The following AQP7B variants were observed in gnomAD, a reference collection of about 807,000 sequenced individuals.
AQP7B encodes putative aquaporin-7B.
chr2:94,599,399 AT>A, the AQP7B span, among the ~76,000 whole-genome samples: 5 of 150,576 alleles, frequency 3.3e-5, no homozygotes, highest in African/African-American at 1.2e-4. Context: ...TATCTGGGCT[AT>A]TTCACATTTT....
chr2:94,591,726 G>GTCCTAC, the AQP7B span, among the ~76,000 whole-genome samples: 1 of 152,144 alleles, frequency 6.6e-6, no homozygotes, highest in Non-Finnish European at 1.5e-5. Context: ...CTTAGTTGCA[G>GTCCTAC]GCCTTTGCAC....
chr2:94,594,565 A>G, the AQP7B span, among the ~76,000 whole-genome samples: 2 of 152,082 alleles, frequency 1.3e-5, no homozygotes, highest in South Asian at 4.2e-4. Context: ...GTTCCTCTCC[A>G]TGTCCCCATG....
At chr2:94,593,372 G>C in the AQP7B span, among the ~76,000 whole-genome samples, 1 of 152,056 alleles carries the variant, frequency 6.6e-6, no homozygotes, top group Non-Finnish European at 1.5e-5. Flanking sequence ...GCAAGGATGG[G>C]CTGGCCAGAG....
the AQP7B span, among the ~76,000 whole-genome samples, chr2:94,600,794 A>G: frequency 6.6e-6 from 1 of 151,154 alleles, no homozygotes; most frequent in Non-Finnish European, 1.5e-5. Flanking sequence ...CAGGAGAATC[A>G]CTTGAACCCG....
At chr2:94,599,101 C>T in the AQP7B span, among the ~76,000 whole-genome samples, 2 of 152,208 alleles carry the variant, frequency 1.3e-5, no homozygotes, top group Non-Finnish European at 2.9e-5. Context: ...CACACCTGGC[C>T]TATGCTCATC....
chr2:94,594,952 G>A, the AQP7B span: 2 of 829,030 alleles, frequency 2.4e-6, no homozygotes, highest in Non-Finnish European at 2.0e-6. Flanking sequence ...GACCCCATGG[G>A]TCACATTGTC....
At chr2:94,587,430 G>T in the AQP7B span, among the ~76,000 whole-genome samples, 2 of 152,200 alleles carry the variant, frequency 1.3e-5, no homozygotes, top group Non-Finnish European at 2.9e-5. Context: ...CTCCAGGCAG[G>T]GTGGGGATGG....
At chr2:94,590,636 T>C in the AQP7B span, among the ~76,000 whole-genome samples, 1 of 152,034 alleles carries the variant, frequency 6.6e-6, no homozygotes, top group African/African-American at 2.4e-5. Context: ...TGGTTTTTGA[T>C]AGGTTAGTCA....
chr2:94,602,582 A>G, the AQP7B span: 15 of 1,599,142 alleles, frequency 9.4e-6, no homozygotes, highest in African/African-American at 1.6e-4. Flanking sequence ...CTTCGGGGTC[A>G]CCATGGGAGT....
At chr2:94,590,680 C>T in the AQP7B span, among the ~76,000 whole-genome samples, 462 of 152,176 alleles carry the variant, frequency 3.0e-3, 2 homozygotes, top group African/African-American at 9.9e-3. Context: ...TGGTGGCTCA[C>T]GCCTGAAATC....
At chr2:94,603,649 A>G in the AQP7B span, 2 of 1,309,844 alleles carry the variant, frequency 1.5e-6, no homozygotes, top group Non-Finnish European at 2.1e-6. Flanking sequence ...GGTCTGGGCC[A>G]CTGCCGATGT....
At chr2:94,598,197 C>T in the AQP7B span, among the ~76,000 whole-genome samples, 1 of 152,070 alleles carries the variant, frequency 6.6e-6, no homozygotes, top group Admixed American at 6.6e-5. Context: ...CCAGGCTGTG[C>T]CAAGAAGTGA....
chr2:94,593,480 CTTTTTTTTTTTTTT>C, the AQP7B span, among the ~76,000 whole-genome samples: 2 of 113,956 alleles, frequency 1.8e-5, no homozygotes, highest in South Asian at 2.9e-4. Context: ...TCCTCTTCCT[CTTTTTTTTTTTTTT>C]TTTTTTTTGA....
chr2:94,595,233 G>A, the AQP7B span, among the ~76,000 whole-genome samples: 6 of 152,034 alleles, frequency 3.9e-5, no homozygotes, highest in Non-Finnish European at 5.9e-5. Context: ...TCAGGAGTTC[G>A]AAACCAGCCT....
the AQP7B span, among the ~76,000 whole-genome samples, chr2:94,595,898 GAAA>G: frequency 6.6e-6 from 1 of 152,300 alleles, no homozygotes; most frequent in African/African-American, 2.4e-5. Flanking sequence ...GGTCTGGAAG[GAAA>G]AAGTTGAAGT....
At chr2:94,602,515 C>G in the AQP7B span, 1 of 1,605,368 alleles carries the variant, frequency 6.2e-7, no homozygotes, top group East Asian at 2.2e-5. Context: ...GTTCTGTGGC[C>G]CATATGGTTC....
the AQP7B span, among the ~76,000 whole-genome samples, chr2:94,592,509 C>G: frequency 6.6e-6 from 1 of 152,114 alleles, no homozygotes; most frequent in Non-Finnish European, 1.5e-5. Context: ...GTATAGGGAT[C>G]TCATTATCCC....
chr2:94,602,713 G>C, the AQP7B span: 2 of 1,300,608 alleles, frequency 1.5e-6, no homozygotes, highest in Non-Finnish European at 2.2e-6. Context: ...AGCACAGCCA[G>C]TGCCTCAGCC....
chr2:94,599,597 T>C, the AQP7B span, among the ~76,000 whole-genome samples: 2 of 151,428 alleles, frequency 1.3e-5, no homozygotes, highest in Non-Finnish European at 3.0e-5. Flanking sequence ...TGGGGCGGGG[T>C]CCTCTCCTTC....
Sources: allele counts gnomAD v4.1 joint callset (sites outside exome capture counted in the v4.1 genomes callset), GRCh38; gene constraint gnomAD v4.1.1; transcripts MANE v1.5; gene names NCBI Gene and HGNC (gene_info 2026-07-23, HGNC 2026-07-21).